MOS: variants seen among roughly 807,000 people sequenced by gnomAD.
MOS encodes the protein proto-oncogene serine/threonine-protein kinase mos.
For missense variants in MOS, 419 were observed against 459.6 expected, an observed-to-expected ratio of 0.91 and a Z score of 0.81; for synonymous variants, 190 against 205.2, an observed-to-expected ratio of 0.93 and a Z score of 0.63.
At position 56,113,149 on chromosome 8, in the gene MOS, C is replaced by T. The variant is rs1385390752; in HGVS notation, c.834G>A (p.Pro278=). The T allele has an allele frequency of 2.2e-5, 36 of 1,613,940 alleles. No individual in the cohort carries two copies. The highest frequency in any genetic ancestry group is 2.7e-5 in the Non-Finnish European group (32 of 1,180,028). ...TLWQMTTKQA[P]YSGERQHILY... is the part of the protein sequence containing the mutation. The stretch of plus-strand genomic sequence containing the variant: ...GTATGTGCTGCCGCTCCCCCGAATA[C>T]GGCGCCTGCTTGGTAGTCATTTGCC... Residue 278 remains proline (P), a synonymous_variant, in exon 1 of 1, where the codon CCG becomes CCA. Transcript: ENST00000311923. The surrounding 1 kb of genome is among the most constrained non-coding windows in gnomAD (Gnocchi z 5.7).
Position 56,113,479 on chromosome 8 carries a change from G to A in MOS, c.504C>T (p.Arg168=). The A allele has an allele frequency of 6.2e-7, 1 of 1,614,022 alleles. No homozygotes were observed. Among genetic ancestry groups the A allele is most frequent in the Non-Finnish European group, 8.5e-7 (1 of 1,180,020 alleles). Residue 168 remains arginine (R), a synonymous_variant, in exon 1 of 1, where the codon CGC becomes CGT. Coordinates refer to ENST00000311923, the MANE Select transcript of MOS (RefSeq NM_005372.1). The surrounding 1 kb of genome is among the most constrained non-coding windows in gnomAD (Gnocchi z 5.7). ...TTCCCAAACTTAACTGTCCTCCAGT[G>A]CGGCAGTGAGGCTCCCCTGCGTCCC... ...PEGDAGEPHC[R]TGGQLSLGKC... is the part of the protein sequence containing the mutation.
In MOS at chr8:56,113,511, G is replaced by C. The variant is rs561039574; in HGVS notation, c.472C>G (p.Pro158Ala). ...TGAGGCTCCCCTGCGTCCCCCTCAG[G>C]GTGGCCGGCGGCGCCATAGATGACT... ...HQVIYGAAGH[P>A]EGDAGEPHCR... Residue 158 changes from proline to alanine, a missense_variant, in exon 1 of 1, where the codon CCT becomes GCT. Pro to Ala is a conservative substitution (Grantham distance 27, BLOSUM62 -1). Transcript: ENST00000311923. This position sits in a 1 kb window ranked among gnomAD's most constrained non-coding sequence, Gnocchi z 5.7. The C allele has an allele frequency of 6.2e-7, 1 of 1,614,012 alleles. No homozygotes were observed. Among genetic ancestry groups the C allele is most frequent in the Admixed American group, 1.7e-5 (1 of 60,016 alleles).
rs767623793 is a variant in MOS at position 56,113,458 on chromosome 8, C to G, written c.525G>C (p.Leu175Phe). ...PHCRTGGQLS[L>F]GKCLKYSLDV... ...CTAGTGAGTACTTGAGACACTTTCCCAAACTTAACTGTCCTCCAGTGCGGC... is the reference window on the plus strand; with the variant it reads ...CTAGTGAGTACTTGAGACACTTTCCGAAACTTAACTGTCCTCCAGTGCGGC... Residue 175 changes from leucine to phenylalanine, a missense_variant, in exon 1 of 1, where the codon TTG becomes TTC. Transcript: ENST00000311923. The surrounding 1 kb of genome is among the most constrained non-coding windows in gnomAD (Gnocchi z 5.7). The G allele has an allele frequency of 3.7e-5, 60 of 1,614,070 alleles. No individual in the cohort carries two copies. Among genetic ancestry groups the G allele is most frequent in the Non-Finnish European group, 4.8e-5 (57 of 1,180,036 alleles).
rs1810535947 is a variant in MOS at position 56,113,887 on chromosome 8, C to T, written c.96G>A (p.Ala32=). 6.3e-7 allele frequency: 1 copy of T among 1,598,414 alleles called. No individual in the cohort carries two copies. Among genetic ancestry groups the T allele is most frequent in the Non-Finnish European group, 8.5e-7 (1 of 1,176,418 alleles). The part of the protein sequence containing the change: ...RPCSSPSELP[A]KLLLGATLPR... ...GAAGAGTGGCCCCCAGAAGCAGCTT[C>T]GCAGGTAGCTCTGAGGGACTGCTGC... The change falls in exon 1 of 1, where the codon GCG becomes GCA. Residue 32 remains alanine (A), a synonymous_variant. Transcript: ENST00000311923. The surrounding 1 kb of genome is among the most constrained non-coding windows in gnomAD (Gnocchi z 5.7).
Position 56,113,316 on chromosome 8 carries a change from A to G in MOS, c.667T>C (p.Ser223Pro). The G allele has an allele frequency of 6.2e-7, 1 of 1,614,008 alleles. No individual in the cohort carries two copies. The highest frequency in any genetic ancestry group is 8.5e-7 in the Non-Finnish European group (1 of 1,180,028). The change falls in exon 1 of 1, where the codon TCT (serine) becomes CCT (proline). Residue 223 changes from serine (S) to proline (P), a missense_variant. Ser to Pro is a moderately conservative substitution (Grantham distance 74). Coordinates refer to ENST00000311923, the MANE Select transcript of MOS (RefSeq NM_005372.1). The surrounding 1 kb of genome is among the most constrained non-coding windows in gnomAD (Gnocchi z 5.7). ...DVCKISDFGCSEKLEDLLCFQ... is the reference protein window; with the variant it reads ...DVCKISDFGCPEKLEDLLCFQ... ...CACAGCAGATCTTCCAACTTCTCAG[A>G]GCAACCGAAGTCACTAATTTTACAG...
Position 56,113,820 on chromosome 8 carries a change from T to C in MOS, c.163A>G (p.Ile55Val), listed in dbSNP as rs144702322. 836 of 1,611,728 alleles carry C rather than the reference T, an allele frequency of 5.2e-4. 2 individuals carry two copies. In the Middle Eastern group the frequency reaches 8.6e-3, roughly 17 times the overall value. The change falls in exon 1 of 1, where the codon ATT becomes GTT. Residue 55 changes from isoleucine to valine, a missense_variant. Ile to Val is a conservative substitution (Grantham distance 29, BLOSUM62 3). Transcript: ENST00000311923. This position sits in a 1 kb window ranked among gnomAD's most constrained non-coding sequence, Gnocchi z 5.7. ...AGCAAGCACACCTGCTCCCAGTCAA[T>C]GGAGCACCAGGCCAGCCGGCGCGGC... The part of the protein sequence containing the change: ...RLPRRLAWCS[I>V]DWEQVCLLQR...
chr8:56,113,607 G>A lies in MOS; in HGVS notation c.376C>T (p.Arg126Cys). 1.2e-6 allele frequency: 2 copies of A among 1,612,734 alleles called. No homozygotes were observed. Among genetic ancestry groups the A allele is most frequent in the Non-Finnish European group, 1.7e-6 (2 of 1,179,694 alleles). ...AGGCTATTGGACCCTGCGGGCGTGC[G>A]CGTGCTGGCAGCCACCACGCGCACG... ...NIVRVVAAST[R>C]TPAGSNSLGT... Residue 126 changes from arginine (R) to cysteine (C), a missense_variant, in exon 1 of 1, where the codon CGC becomes TGC. Arg to Cys is a radical substitution (Grantham distance 180). Coordinates refer to ENST00000311923, the MANE Select transcript of MOS (RefSeq NM_005372.1). This position sits in a 1 kb window ranked among gnomAD's most constrained non-coding sequence, Gnocchi z 5.7.
At position 56,112,989 on chromosome 8, in the gene MOS, G is replaced by A. The variant is rs761563451; in HGVS notation, c.994C>T (p.Arg332Trp). Residue 332 changes from arginine to tryptophan, a missense_variant, in exon 1 of 1, where the codon CGG becomes TGG. By Grantham distance (101) the Arg-to-Trp change is moderately radical. Coordinates refer to ENST00000311923, the MANE Select transcript of MOS (RefSeq NM_005372.1). ...GAGGTGAGATCCACCAAAAGCAGCC[G>A]CGCGCTCGGCCTCTGCGCCGCGCTG... Reference protein sequence around the residue: ...RPSAAQRPSARLLLVDLTSLK... With the variant: ...RPSAAQRPSAWLLLVDLTSLK... 6.3e-7 allele frequency: 1 copy of A among 1,575,202 alleles called. No homozygotes were observed. The highest frequency in any genetic ancestry group is 8.6e-7 in the Non-Finnish European group (1 of 1,162,200).
rs754317088 is a variant in MOS at position 56,113,979 on chromosome 8, G to A, written c.4C>T (p.Pro2Ser). The A allele has an allele frequency of 2.0e-5, 31 of 1,541,934 alleles. No individual in the cohort carries two copies. Among genetic ancestry groups the A allele is most frequent in the Non-Finnish European group, 1.9e-5 (22 of 1,152,066 alleles). Residue 2 changes from proline (P) to serine (S), a missense_variant, in exon 1 of 1, where the codon CCC becomes TCC. Physicochemically the swap from Pro to Ser is moderately conservative, Grantham distance 74. Coordinates refer to ENST00000311923, the MANE Select transcript of MOS (RefSeq NM_005372.1). The surrounding 1 kb of genome is among the most constrained non-coding windows in gnomAD (Gnocchi z 5.7). ...TAGGGGCGTAGGGCCAGGGGCGAGG[G>A]CATCGCACTTTGCAGGGGGACACCA... M[P>S]SPLALRPYLR...
rs572846115 is a variant in MOS, at chr8:56,113,314, A to T, written c.669T>A (p.Ser223=). ...AGCACAGCAGATCTTCCAACTTCTC[A>T]GAGCAACCGAAGTCACTAATTTTAC... The part of the protein sequence containing the change: ...DVCKISDFGC[S]EKLEDLLCFQ... The change falls in exon 1 of 1, where the codon TCT becomes TCA. Residue 223 remains serine, a synonymous_variant. Transcript: ENST00000311923. The surrounding 1 kb of genome is among the most constrained non-coding windows in gnomAD (Gnocchi z 5.7). 1.0e-4 allele frequency: 169 copies of T among 1,613,898 alleles called. No homozygotes were observed. Among genetic ancestry groups the T allele is most frequent in the Non-Finnish European group, 1.3e-4 (158 of 1,180,040 alleles).
Position 56,113,558 on chromosome 8 carries a change from C to A in MOS, c.425G>T (p.Gly142Val). ...NSLGTIIMEF[G>V]GNVTLHQVIY... ...GACTTGGTGTAAAGTGACGTTGCCA[C>A]CGAACTCCATGATGATGGTCCCTAG... The change falls in exon 1 of 1, where the codon GGT becomes GTT. Residue 142 changes from glycine to valine, a missense_variant. Physicochemically the swap from Gly to Val is moderately radical, Grantham distance 109. Transcript: ENST00000311923. This position sits in a 1 kb window ranked among gnomAD's most constrained non-coding sequence, Gnocchi z 5.7. 1 of 1,613,972 alleles carries A rather than the reference C, an allele frequency of 6.2e-7. No homozygotes were observed. The highest frequency in any genetic ancestry group is 8.5e-7 in the Non-Finnish European group (1 of 1,180,002).
Position 56,113,880 on chromosome 8 carries a change from G to A in MOS, c.103C>T (p.Leu35Phe). ...SSPSELPAKL[L>F]LGATLPRAPR... ...GCCCGAGGAAGAGTGGCCCCCAGAA[G>A]CAGCTTCGCAGGTAGCTCTGAGGGA... Residue 35 changes from leucine to phenylalanine, a missense_variant, in exon 1 of 1, where the codon CTT (leucine) becomes TTT (phenylalanine). Physicochemically the swap from Leu to Phe is conservative, Grantham distance 22 (BLOSUM62 0). Transcript: ENST00000311923. The surrounding 1 kb of genome is among the most constrained non-coding windows in gnomAD (Gnocchi z 5.7). The A allele has an allele frequency of 6.3e-7, 1 of 1,598,874 alleles. No individual in the cohort carries two copies. Among genetic ancestry groups the A allele is most frequent in the African/African-American group, 1.4e-5 (1 of 73,762 alleles).
chr8:56,113,464 T>C lies in MOS; in HGVS notation c.519A>G (p.Leu173=), dbSNP rs1348457496. ...GEPHCRTGGQ[L]SLGKCLKYSL... ...AGTACTTGAGACACTTTCCCAAACT[T>C]AACTGTCCTCCAGTGCGGCAGTGAG... Residue 173 remains leucine, a synonymous_variant, in exon 1 of 1, where the codon TTA becomes TTG. Transcript: ENST00000311923. The surrounding 1 kb of genome is among the most constrained non-coding windows in gnomAD (Gnocchi z 5.7). 2.5e-6 allele frequency: 4 copies of C among 1,614,024 alleles called. No individual in the cohort carries two copies. The highest frequency in any genetic ancestry group is 3.4e-6 in the Non-Finnish European group (4 of 1,179,998).
In MOS at chr8:56,113,136, G is replaced by C; in HGVS notation, c.847C>G (p.Arg283Gly). ...ACCACCGCGTACAGTATGTGCTGCC[G>C]CTCCCCCGAATACGGCGCCTGCTTG... Reference protein sequence around the residue: ...TTKQAPYSGERQHILYAVVAY... With the variant: ...TTKQAPYSGEGQHILYAVVAY... The change falls in exon 1 of 1, where the codon CGG becomes GGG. Residue 283 changes from arginine (R) to glycine (G), a missense_variant. Transcript: ENST00000311923. The surrounding 1 kb of genome is among the most constrained non-coding windows in gnomAD (Gnocchi z 5.7). 1 of 1,614,020 alleles carries C rather than the reference G, an allele frequency of 6.2e-7. No homozygotes were observed. The highest frequency in any genetic ancestry group is 1.1e-5 in the South Asian group (1 of 91,082).
rs774420107 is a variant in MOS, at chr8:56,113,191, G to A, written c.792C>T (p.Ser264=). The change falls in exon 1 of 1, where the codon TCC becomes TCT. Residue 264 remains serine, a synonymous_variant. Coordinates refer to ENST00000311923, the MANE Select transcript of MOS (RefSeq NM_005372.1). The surrounding 1 kb of genome is among the most constrained non-coding windows in gnomAD (Gnocchi z 5.7). ...EGVTPKADIY[S]FAITLWQMTT... ...TCATTTGCCAGAGAGTGATGGCAAAGGAATAAATGTCGGCTTTAGGCGTCA... is the reference window on the plus strand; with the variant it reads ...TCATTTGCCAGAGAGTGATGGCAAAAGAATAAATGTCGGCTTTAGGCGTCA... 6.2e-7 allele frequency: 1 copy of A among 1,614,018 alleles called. No individual in the cohort carries two copies. Among genetic ancestry groups the A allele is most frequent in the South Asian group, 1.1e-5 (1 of 91,084 alleles).
At position 56,113,908 on chromosome 8, in the gene MOS, G is replaced by A. The variant is rs771888751; in HGVS notation, c.75C>T (p.Ser25=). Reference sequence around the variant, plus strand: ...GCTTCGCAGGTAGCTCTGAGGGACTGCTGCAGGGCCGCGCGTCCACCGATG... The same window carrying A: ...GCTTCGCAGGTAGCTCTGAGGGACTACTGCAGGGCCGCGCGTCCACCGATG... ...FSPSVDARPC[S]SPSELPAKLL... The change falls in exon 1 of 1, where the codon AGC becomes AGT. Residue 25 remains serine, a synonymous_variant. Transcript: ENST00000311923. The surrounding 1 kb of genome is among the most constrained non-coding windows in gnomAD (Gnocchi z 5.7). 6.3e-7 allele frequency: 1 copy of A among 1,583,732 alleles called. No homozygotes were observed. Among genetic ancestry groups the A allele is most frequent in the South Asian group, 1.2e-5 (1 of 86,520 alleles).
Position 56,113,670 on chromosome 8 carries a change from C to G in MOS, c.313G>C (p.Ala105Pro), listed in dbSNP as rs35392772. 6.2e-7 allele frequency: 1 copy of G among 1,613,868 alleles called. No individual in the cohort carries two copies. The highest frequency in any genetic ancestry group is 1.1e-5 in the South Asian group (1 of 91,066). ...NRLASRRSFW[A>P]ELNVARLRHD... is the part of the protein sequence containing the mutation. ...CGCAGCCTTGCTACGTTGAGCTCAG[C>G]CCAGAAACTCCGCCGAGATGCTAGT... Residue 105 changes from alanine to proline, a missense_variant, in exon 1 of 1, where the codon GCT becomes CCT. Coordinates refer to ENST00000311923, the MANE Select transcript of MOS (RefSeq NM_005372.1). The surrounding 1 kb of genome is among the most constrained non-coding windows in gnomAD (Gnocchi z 5.7).
Position 56,113,063 on chromosome 8 carries a change from G to T in MOS, c.920C>A (p.Ser307Ter), listed in dbSNP as rs1810518738. 1 of 1,602,700 alleles carries T rather than the reference G, an allele frequency of 6.2e-7. No individual in the cohort carries two copies. The highest frequency in any genetic ancestry group is 8.5e-7 in the Non-Finnish European group (1 of 1,173,700). Residue 307 changes from serine (S) to a stop codon, truncating the protein, a stop_gained, in exon 1 of 1, where the codon TCG (serine) becomes TAG (stop). Coordinates refer to ENST00000311923, the MANE Select transcript of MOS (RefSeq NM_005372.1). LOFTEE classifies it low-confidence loss of function (END_TRUNC). This position sits in a 1 kb window ranked among gnomAD's most constrained non-coding sequence, Gnocchi z 5.7. ...GTCCCCAAGGCGCTGCCCGGGGAGC[G>T]AGTCCTCGAAGACGGCAGCGGAGAG... Reference protein sequence around the residue: ...PSLSAAVFEDSLPGQRLGDVI... With the variant: ...PSLSAAVFED
rs1218317020 is a variant in MOS, at chr8:56,113,030, T to G, written c.953A>C (p.Gln318Pro). Residue 318 changes from glutamine to proline, a missense_variant, in exon 1 of 1, where the codon CAG (glutamine) becomes CCG (proline). Gln to Pro is a moderately conservative substitution (Grantham distance 76, BLOSUM62 -1). Transcript: ENST00000311923. This position sits in a 1 kb window ranked among gnomAD's most constrained non-coding sequence, Gnocchi z 5.7. ...LPGQRLGDVI[Q>P]RCWRPSAAQR... ...CGCCGCGCTGGGTCTCCAGCAGCGCTGGATGACGTCCCCAAGGCGCTGCCC... is the reference window on the plus strand; with the variant it reads ...CGCCGCGCTGGGTCTCCAGCAGCGCGGGATGACGTCCCCAAGGCGCTGCCC... 6.9e-6 allele frequency: 11 copies of G among 1,592,838 alleles called. No individual in the cohort carries two copies. The South Asian group carries it at 1.1e-4, about 16-fold the overall frequency.
Sources: allele counts gnomAD v4.1 joint callset, GRCh38; gene constraint gnomAD v4.1.1; non-coding constraint Gnocchi (gnomAD v3.1); transcripts MANE v1.5; gene names NCBI Gene and HGNC (gene_info 2026-07-23, HGNC 2026-07-21).